Variants in ACAN observed in about 807,000 individuals in gnomAD.
ACAN encodes the protein aggrecan core protein.
Under a neutral mutation model 169.1 loss-of-function variants are expected in ACAN, and 47 were observed. That is an observed-to-expected ratio of 0.28 (90% CI 0.22 to 0.35). The LOEUF is 0.35. Ranked by LOEUF, ACAN falls within the 10% of genes least tolerant of loss-of-function variation. ACAN has a pLI of 1.00. For synonymous variants in ACAN, 1,115 were observed against 1,112.2 expected (o/e 1.00, Z -0.05); for missense variants, 2,716 against 2,759.9 (o/e 0.98, Z 0.36).
intron 4 of ACAN, 142 bp from the exon 5 acceptor site, chr15:88,841,598 G>A: frequency 4.7e-6 from 5 of 1,060,776 alleles, no homozygotes; most frequent in Non-Finnish European, 6.9e-6. Flanking sequence ...AAACAGATAG[G>A]CAGTTGACAT....
At position 88,839,190 on chromosome 15, in the gene ACAN, C is replaced by G. The variant is rs1320641145; in HGVS notation, c.454+144C>G. On this transcript the variant is annotated intron_variant, in intron 3 of 18. Coordinates refer to ENST00000560601, the MANE Select transcript of ACAN (RefSeq NM_001369268.1). This position sits in a 1 kb window ranked among gnomAD's most constrained non-coding sequence, Gnocchi z 4.5. ...AGTTACTTAACTTCAGCTGCTTCCT[C>G]TGTGACATGGAGCTGGTAATATCAT... 3 of 1,042,652 alleles carry G rather than the reference C, an allele frequency of 2.9e-6. No homozygotes were observed. Among genetic ancestry groups the G allele is most frequent in the Non-Finnish European group, 2.8e-6 (2 of 721,104 alleles). 64.6% of individuals were successfully genotyped at this position (1,042,652 alleles called of 1,614,324 possible). A position where few individuals can be genotyped will look rare whatever the true frequency, so the allele number is the denominator to read the frequency against.
chr15:88,830,122 G>T (rs879798155), intron 1 of ACAN, among the ~76,000 whole-genome samples: 1 of 152,130 alleles, frequency 6.6e-6, no homozygotes, highest in African/African-American at 2.4e-5. Flanking sequence ...CTCACGCTGG[G>T]CCAGGGGAGG....
In ACAN at chr15:88,858,392, T is replaced by C. The variant is rs996608087; in HGVS notation, c.5807T>C (p.Leu1936Pro). ...CCATCTAGTTTCCCCACTGTCTCTC[T>C]TGTAGACAGAACTTTGGTGGAATCT... is the stretch of plus-strand genomic sequence containing the variant. ...GTPSSFPTVSLVDRTLVESVT... is the reference protein window; with the variant it reads ...GTPSSFPTVSPVDRTLVESVT... The change falls in exon 12 of 19, where the codon CTT becomes CCT. Residue 1936 changes from leucine to proline, a missense_variant. Leu to Pro is a moderately conservative substitution (Grantham distance 98). Around this residue, in one of 3 missense-constraint regions of ACAN, gnomAD observed 1,389 missense variants for 1,363.7 expected, o/e 1.02. Coordinates refer to ENST00000560601, the MANE Select transcript of ACAN (RefSeq NM_001369268.1). This position sits in a 1 kb window ranked among gnomAD's most constrained non-coding sequence, Gnocchi z 4.0. 5 of 1,613,680 alleles carry C rather than the reference T, an allele frequency of 3.1e-6. No individual in the cohort carries two copies. The African/African-American group carries it at 6.7e-5, about 22-fold the overall frequency.
intron 2 of ACAN, among the ~76,000 whole-genome samples, chr15:88,837,012 C>T (rs1277143211): frequency 5.3e-5 from 8 of 152,262 alleles, no homozygotes; most frequent in Admixed American, 4.6e-4. Context: ...CAAATCTGCA[C>T]TTCCCCTTTA....
At chr15:88,864,000 C>T (rs1477844247) in intron 13 of ACAN, among the ~76,000 whole-genome samples, 1 of 151,972 alleles carries the variant, frequency 6.6e-6, no homozygotes, top group Non-Finnish European at 1.5e-5. Flanking sequence ...AGTGGGATCC[C>T]ACTGCTACAA....
intron 1 of ACAN, among the ~76,000 whole-genome samples, chr15:88,823,587 C>T (rs1229334085): frequency 2.6e-5 from 4 of 152,032 alleles, no homozygotes; most frequent in African/African-American, 9.7e-5. Flanking sequence ...TGATGGTGTT[C>T]AGCCAAATTC....
intron 7 of ACAN, 48 bp downstream of exon 7, chr15:88,845,930 G>A: frequency 7.0e-7 from 1 of 1,434,780 alleles, no homozygotes; most frequent in South Asian, 1.6e-5. Flanking sequence ...GAGAGAACTT[G>A]GCCTGCAGGG....
Position 88,807,266 on chromosome 15 carries a change from A to T in ACAN, c.-8+3457A>T, listed in dbSNP as rs1217016279. On this transcript the variant is annotated intron_variant, in intron 1 of 18. Transcript: ENST00000560601. This position sits in a 1 kb window ranked among gnomAD's most constrained non-coding sequence, Gnocchi z 4.0. ...AGGAAGGTCTGCTTATAAGTAGAGC[A>T]GGGGAGGGGACAGGCCAGCAGCTGC... Among the ~76,000 whole-genome samples, 2 of 152,188 alleles carry T rather than the reference A, an allele frequency of 1.3e-5. No homozygotes were observed. The highest frequency in any genetic ancestry group is 6.5e-5 in the Admixed American group (1 of 15,286).
Position 88,838,019 on chromosome 15 carries a change from G to C in ACAN, c.71-644G>C, listed in dbSNP as rs1367961249. 6.8e-6 allele frequency among the ~76,000 whole-genome samples: 1 copy of C among 146,688 alleles called. No individual in the cohort carries two copies. Among genetic ancestry groups the C allele is most frequent in the Non-Finnish European group, 1.5e-5 (1 of 67,362 alleles). On this transcript the variant is annotated intron_variant, in intron 2 of 18. Transcript: ENST00000560601. The surrounding 1 kb of genome is among the most constrained non-coding windows in gnomAD (Gnocchi z 5.1). ...TTGACACTCTCCATTATATTAACAT[G>C]TTTGGAGTCTGATCCTATCCCATCG... is the stretch of plus-strand genomic sequence containing the variant.
At chr15:88,834,288 C>CT (rs1005210230) in intron 1 of ACAN, among the ~76,000 whole-genome samples, 16 of 152,318 alleles carry the variant, frequency 1.1e-4, no homozygotes, top group Admixed American at 2.0e-4. Flanking sequence ...TCTGGGGTGA[C>CT]TCGTATATGT....
rs1897436887 is a variant in ACAN at position 88,873,727 on chromosome 15, AG to A, written c.7448-112del. On this transcript the variant is annotated intron_variant, in intron 17 of 18. Transcript: ENST00000560601. This position sits in a 1 kb window ranked among gnomAD's most constrained non-coding sequence, Gnocchi z 7.5. ...TTCTTAGCGCTGCATGAAAACGTCC[AG>A]GGCTCACTGTCAGATGTTGAGGCTG... is the stretch of plus-strand genomic sequence containing the variant. The A allele has an allele frequency of 1.8e-6, 2 of 1,135,100 alleles. No homozygotes were observed. Among genetic ancestry groups the A allele is most frequent in the South Asian group, 3.1e-5 (2 of 65,270 alleles). The allele number at this position is 1,135,100 out of a possible 1,614,324, so 70.3% of individuals were successfully genotyped here. A position where few individuals can be genotyped will look rare whatever the true frequency, so the allele number is the denominator to read the frequency against.
At chr15:88,829,824 T>C (rs1896315559) in intron 1 of ACAN, among the ~76,000 whole-genome samples, 1 of 152,236 alleles carries the variant, frequency 6.6e-6, no homozygotes, top group Non-Finnish European at 1.5e-5. Flanking sequence ...CCATTTTGTG[T>C]TATTCCTGGT....
intron 1 of ACAN, among the ~76,000 whole-genome samples, chr15:88,806,076 G>A (rs1304040769): frequency 6.6e-6 from 1 of 152,214 alleles, no homozygotes; most frequent in Admixed American, 6.5e-5. Flanking sequence ...GCCACTCGCT[G>A]GCTACATGGC....
intron 1 of ACAN, among the ~76,000 whole-genome samples, chr15:88,815,644 T>C (rs1350214423): frequency 2.4e-5 from 3 of 124,712 alleles, no homozygotes; most frequent in African/African-American, 9.3e-5. Flanking sequence ...ACATGAAATG[T>C]TCTGCACTGA....
chr15:88,824,176 T>C (rs1056496789), intron 1 of ACAN, among the ~76,000 whole-genome samples: 3 of 151,850 alleles, frequency 2.0e-5, no homozygotes, highest in Non-Finnish European at 4.4e-5. Context: ...TACAAAAAAT[T>C]AGCCAGGCGT....
At chr15:88,831,793 C>G (rs900134027) in intron 1 of ACAN, among the ~76,000 whole-genome samples, 4 of 152,184 alleles carry the variant, frequency 2.6e-5, no homozygotes, top group African/African-American at 9.7e-5. Context: ...TCTCTCACAG[C>G]TTAGACCTTC....
intron 1 of ACAN, among the ~76,000 whole-genome samples, chr15:88,817,865 A>AG (rs1047853605): frequency 2.6e-5 from 4 of 151,428 alleles, no homozygotes; most frequent in African/African-American, 9.7e-5. Context: ...AAAAAAAAAA[A>AG]AAAAGAAAGA....
chr15:88,859,280 C>A lies in ACAN; in HGVS notation c.6695C>A (p.Thr2232Lys). 1 of 1,613,748 alleles carries A rather than the reference C, an allele frequency of 6.2e-7. No individual in the cohort carries two copies. The highest frequency in any genetic ancestry group is 1.1e-5 in the South Asian group (1 of 91,054). The change falls in exon 12 of 19, where the codon ACG becomes AAG. Residue 2232 changes from threonine (T) to lysine (K), a missense_variant. Thr to Lys is a moderately conservative substitution (Grantham distance 78, BLOSUM62 -1). Transcript: ENST00000560601. ...CAGCAGACCCAGCGCCCTGCAGAGA[C>A]GCATCTAGAAATTGAGTCCTCAAGC... ...WTQQTQRPAETHLEIESSSLL... is the reference protein window; with the variant it reads ...WTQQTQRPAEKHLEIESSSLL...
Position 88,814,742 on chromosome 15 carries a change from A to G in ACAN, c.-8+10933A>G, listed in dbSNP as rs1379959343. 6.6e-6 allele frequency among the ~76,000 whole-genome samples: 1 copy of G among 152,228 alleles called. No homozygotes were observed. The highest frequency in any genetic ancestry group is 1.5e-5 in the Non-Finnish European group (1 of 68,044). ...CTGCGCTGCAGATGTTGTACTACAA[A>G]GGCTGGATCAACAAGAACTCCTCTT... On this transcript the variant is annotated intron_variant, in intron 1 of 18. Coordinates refer to ENST00000560601, the MANE Select transcript of ACAN (RefSeq NM_001369268.1). The surrounding 1 kb of genome is among the most constrained non-coding windows in gnomAD (Gnocchi z 4.0).
Sources: allele counts gnomAD v4.1 joint callset (sites outside exome capture counted in the v4.1 genomes callset), GRCh38; gene constraint gnomAD v4.1.1; regional missense constraint gnomAD v4.1.1; non-coding constraint Gnocchi (gnomAD v3.1); transcripts MANE v1.5; gene names NCBI Gene and HGNC (gene_info 2026-07-23, HGNC 2026-07-21).